Variants in SFT2D1 observed in about 807,000 individuals in gnomAD.
SFT2D1 encodes the protein vesicle transport protein SFT2A.
SFT2D1 carries 24 observed loss-of-function variants against 28.1 expected under a neutral mutation model. The ratio of observed to expected loss-of-function variants is 0.85; its 90% CI spans 0.62 to 1.20. The LOEUF is 1.20. Among genes scored for constraint, SFT2D1 ranks in the 50% most tolerant of loss-of-function variants. SFT2D1 has a pLI of 0.00. For synonymous variants in SFT2D1, 82 were observed against 73.7 expected, an observed-to-expected ratio of 1.11 and a Z score of -0.58; for missense variants, 181 against 190.9, an observed-to-expected ratio of 0.95 and a Z score of 0.31.
intron 1 of SFT2D1, 73 bp from the exon 2 acceptor site, chr6:166,330,320 A>G: frequency 9.9e-7 from 1 of 1,007,812 alleles, no homozygotes; most frequent in Non-Finnish European, 1.5e-6. Flanking sequence ...ACTAAATTAA[A>G]GCAAAGTTTT....
intron 1 of SFT2D1, among the ~76,000 whole-genome samples, chr6:166,333,427 C>T (rs576094489): frequency 6.6e-6 from 1 of 152,330 alleles, no homozygotes; most frequent in South Asian, 2.1e-4. Context: ...ATTACACCAT[C>T]GCCAAAATTC....
At chr6:166,323,148 T>C (rs1453946778) in intron 6 of SFT2D1, 1 of 363,798 alleles carries the variant, frequency 2.7e-6, no homozygotes, top group African/African-American at 2.1e-5. Flanking sequence ...TAGGTGATTC[T>C]GGTGCATGCT....
intron 4 of SFT2D1, among the ~76,000 whole-genome samples, chr6:166,327,957 C>T (rs780718722): frequency 2.6e-5 from 4 of 151,986 alleles, no homozygotes; most frequent in Admixed American, 1.3e-4. Context: ...GCCACCTCAC[C>T]GGGCTAATTT....
intron 1 of SFT2D1, among the ~76,000 whole-genome samples, chr6:166,341,289 A>C (rs1778775603): frequency 6.6e-6 from 1 of 152,040 alleles, no homozygotes; most frequent in African/African-American, 2.4e-5. Flanking sequence ...TCTACTAAAA[A>C]CACAAAATAA....
At chr6:166,326,262 T>A (rs185934581) in intron 4 of SFT2D1, 95 bp from the exon 5 acceptor site, 1 of 1,001,636 alleles carries the variant, frequency 1.0e-6, no homozygotes, top group East Asian at 2.6e-5. Flanking sequence ...ACATAGGGAA[T>A]ATACTATAGA....
rs963944565 is a variant in SFT2D1 at position 166,324,498 on chromosome 6, G to A, written c.410+39C>T. On this transcript the variant is annotated intron_variant, in intron 6 of 7. Transcript: ENST00000361731. Reference sequence around the variant, plus strand: ...CAAACAAAATGCTCGTCACGTCTCAGGCAATTTTAACACTTCACTAGGGTA... The same window carrying A: ...CAAACAAAATGCTCGTCACGTCTCAAGCAATTTTAACACTTCACTAGGGTA... The A allele has an allele frequency of 5.1e-6, 8 of 1,583,136 alleles. No homozygotes were observed. The African/African-American group carries it at 8.2e-5, about 16-fold the overall frequency.
chr6:166,335,066 A>G, intron 1 of SFT2D1: 1 of 553,472 alleles, frequency 1.8e-6, no homozygotes. Flanking sequence ...ACTGTCACTC[A>G]GAAATACCAT....
chr6:166,332,890 T>C (rs999982967), intron 1 of SFT2D1, among the ~76,000 whole-genome samples: 17 of 152,112 alleles, frequency 1.1e-4, no homozygotes, highest in African/African-American at 3.6e-4. Context: ...AGCAACAACA[T>C]GAAGGCTGAA....
chr6:166,334,757 T>C (rs2114908538), intron 1 of SFT2D1: 1 of 366,804 alleles, frequency 2.7e-6, no homozygotes, highest in Non-Finnish European at 5.3e-6. Context: ...TCTGGGGCTT[T>C]GGGTTTGTCC....
At chr6:166,335,649 A>C (rs1455982031) in intron 1 of SFT2D1, among the ~76,000 whole-genome samples, 1 of 152,096 alleles carries the variant, frequency 6.6e-6, no homozygotes, top group East Asian at 1.9e-4. Context: ...CCACATGCTT[A>C]GCGTTCCAAT....
intron 7 of SFT2D1, among the ~76,000 whole-genome samples, chr6:166,322,370 C>G (rs1292071975): frequency 6.6e-6 from 1 of 152,104 alleles, no homozygotes; most frequent in Non-Finnish European, 1.5e-5. Context: ...CAGACATTAT[C>G]ATGGCAAGCT....
At chr6:166,340,423 T>C (rs937281707) in intron 1 of SFT2D1, among the ~76,000 whole-genome samples, 1 of 152,196 alleles carries the variant, frequency 6.6e-6, no homozygotes, top group Non-Finnish European at 1.5e-5. Context: ...ACCCTCACAA[T>C]TGAGAATCCC....
chr6:166,322,921 CTGAA>C, intron 6 of SFT2D1, 35 bp from the exon 7 acceptor site: 1 of 1,586,008 alleles, frequency 6.3e-7, no homozygotes, highest in South Asian at 1.1e-5. Context: ...GAATCTTCAT[CTGAA>C]TGATGGTTTT....
chr6:166,329,002 C>T (rs1288497084), intron 3 of SFT2D1, among the ~76,000 whole-genome samples: 1 of 152,180 alleles, frequency 6.6e-6, no homozygotes, highest in Non-Finnish European at 1.5e-5. Context: ...ATGTGAACAT[C>T]TTCTTCATTA....
At chr6:166,336,139 T>G (rs566419024) in intron 1 of SFT2D1, among the ~76,000 whole-genome samples, 7 of 152,316 alleles carry the variant, frequency 4.6e-5, no homozygotes, top group African/African-American at 1.7e-4. Flanking sequence ...GAAGCCATCT[T>G]GGTAAACTCC....
intron 1 of SFT2D1, among the ~76,000 whole-genome samples, chr6:166,332,117 T>C (rs1317353661): frequency 6.6e-6 from 1 of 152,234 alleles, no homozygotes; most frequent in Non-Finnish European, 1.5e-5. Flanking sequence ...AAGCAAATGA[T>C]TTGTCTCAAG....
At chr6:166,321,635 A>G (rs1450381468) in intron 7 of SFT2D1, among the ~76,000 whole-genome samples, 1 of 152,238 alleles carries the variant, frequency 6.6e-6, no homozygotes, top group Non-Finnish European at 1.5e-5. Flanking sequence ...TGTTCGTATT[A>G]AAGACAATTT....
At chr6:166,335,075 A>G (rs1778620126) in intron 1 of SFT2D1, 1 of 564,456 alleles carries the variant, frequency 1.8e-6, no homozygotes, top group Non-Finnish European at 3.4e-6. Context: ...CAGAAATACC[A>G]TACTGTGAAT....
At chr6:166,338,981 A>T (rs1045412824) in intron 1 of SFT2D1, among the ~76,000 whole-genome samples, 2 of 151,972 alleles carry the variant, frequency 1.3e-5, no homozygotes, top group African/African-American at 4.8e-5. Flanking sequence ...CAACTCCTCA[A>T]CTGGCCTAGA....
Sources: allele counts gnomAD v4.1 joint callset (sites outside exome capture counted in the v4.1 genomes callset), GRCh38; gene constraint gnomAD v4.1.1; transcripts MANE v1.5; gene names NCBI Gene and HGNC (gene_info 2026-07-23, HGNC 2026-07-21).